ABHD10: variants seen among roughly 807,000 people sequenced by gnomAD.
ABHD10 encodes the protein abhydrolase domain containing 10, depalmitoylase.
In ABHD10, 22 loss-of-function variants were observed where a neutral mutation model predicts 33.1. That is an observed-to-expected ratio of 0.66 (90% confidence interval 0.47 to 0.95). The LOEUF is 0.95. Ranked by LOEUF, ABHD10 falls within the 40% of genes least tolerant of loss-of-function variation. The probability of loss-of-function intolerance (pLI) is 0.00; values close to 1 mark genes in which losing one functional copy is unlikely to be tolerated. For missense variants in ABHD10, 352 were observed against 379.9 expected, an observed-to-expected ratio of 0.93 and a Z score of 0.61; for synonymous variants, 146 against 133.9, an observed-to-expected ratio of 1.09 and a Z score of -0.62.
intron 4 of ABHD10, chr3:111,990,783 C>A: frequency 8.7e-7 from 1 of 1,155,774 alleles, no homozygotes; most frequent in Non-Finnish European, 1.1e-6. Flanking sequence ...TGTAATTACT[C>A]TTATTTTTTT....
chr3:111,985,957 CTACTA>C (rs2072651952), intron 2 of ABHD10, among the ~76,000 whole-genome samples: 1 of 152,098 alleles, frequency 6.6e-6, no homozygotes, highest in Non-Finnish European at 1.5e-5. Context: ...AAGGATCACT[CTACTA>C]TATAGGGAAA....
rs1407016918 is a variant in ABHD10, at chr3:111,981,771, G to T, written c.143-13G>T. 6.6e-7 allele frequency: 1 copy of T among 1,517,024 alleles called. No individual in the cohort carries two copies. The highest frequency in any genetic ancestry group is 1.3e-5 in the South Asian group (1 of 75,032). The allele number at this position is 1,517,024 out of a possible 1,614,324, so 94.0% of individuals were successfully genotyped here. A position where few individuals can be genotyped will look rare whatever the true frequency, so the allele number is the denominator to read the frequency against. On this transcript the variant is annotated splice_polypyrimidine_tract_variant and intron_variant, in intron 1 of 4. Transcript: ENST00000273359. ...TTACAAACCATAGTTTACTTTTTGT[G>T]TACTTTGTTTAGCTTGTAGACAAAA...
At position 111,981,959 on chromosome 3, in the gene ABHD10, C is replaced by G. The variant is rs2072591035; in HGVS notation, c.318C>G (p.Ala106=). 1 of 1,550,958 alleles carries G rather than the reference C, an allele frequency of 6.4e-7. No homozygotes were observed. Among genetic ancestry groups the G allele is most frequent in the African/African-American group, 1.3e-5 (1 of 74,102 alleles). ...IEEFCKSLGH[A]CIRFDYSGVG... ...AGTTTTGCAAATCTCTAGGTCACGC[C>G]TGCATAAGGTAGGAACAACACATTA... Residue 106 remains alanine, a synonymous_variant, in exon 2 of 5, where the codon GCC becomes GCG. Transcript: ENST00000273359.
intron 4 of ABHD10, among the ~76,000 whole-genome samples, chr3:111,990,170 A>G (rs1477471143): frequency 1.3e-5 from 2 of 152,032 alleles, no homozygotes; most frequent in Non-Finnish European, 1.5e-5. Context: ...ATATAAATAA[A>G]CTTTTATGCT....
chr3:111,983,146 T>G (rs1357942029), intron 2 of ABHD10, among the ~76,000 whole-genome samples: 1 of 152,148 alleles, frequency 6.6e-6, no homozygotes, highest in East Asian at 1.9e-4. Flanking sequence ...CTCATCAGAA[T>G]GTGATTGTGT....
At position 111,981,822 on chromosome 3, in the gene ABHD10, C is replaced by G; in HGVS notation, c.181C>G (p.Pro61Ala). 1 of 1,596,048 alleles carries G rather than the reference C, an allele frequency of 6.3e-7. No individual in the cohort carries two copies. The highest frequency in any genetic ancestry group is 8.6e-7 in the Non-Finnish European group (1 of 1,167,346). ...GACGTCACTCTCATTCCTTAATCGA[C>G]CAGACCTTCCAAACCTGGCTTATAA... ...QKTSLSFLNRPDLPNLAYKKL... is the reference protein window; with the variant it reads ...QKTSLSFLNRADLPNLAYKKL... Residue 61 changes from proline to alanine, a missense_variant, in exon 2 of 5, where the codon CCA becomes GCA. Transcript: ENST00000273359.
Position 111,986,679 on chromosome 3 carries a change from C to T in ABHD10, c.439-235C>T, listed in dbSNP as rs1355983518. ...CTCGATCTCCTGACCTCGTGATCCGCCCGCCTGGGCCTCCCAAAGTGCTGG... is the reference window on the plus strand; with the variant it reads ...CTCGATCTCCTGACCTCGTGATCCGTCCGCCTGGGCCTCCCAAAGTGCTGG... On this transcript the variant is annotated intron_variant, in intron 3 of 4. Coordinates refer to ENST00000273359, the MANE Select transcript of ABHD10 (RefSeq NM_018394.4). 2.6e-5 allele frequency among the ~76,000 whole-genome samples: 4 copies of T among 152,234 alleles called. No homozygotes were observed. The East Asian group carries it at 7.7e-4, about 29-fold the overall frequency.
intron 2 of ABHD10, among the ~76,000 whole-genome samples, chr3:111,985,239 G>A (rs1234786275): frequency 2.0e-5 from 3 of 152,160 alleles, no homozygotes; most frequent in African/African-American, 7.2e-5. Context: ...AGTATGACTA[G>A]AGTTTAGGTA....
Position 111,991,419 on chromosome 3 carries a change from T to C in ABHD10, c.619T>C (p.Ser207Pro). 6.2e-7 allele frequency: 1 copy of C among 1,613,332 alleles called. No homozygotes were observed. The highest frequency in any genetic ancestry group is 8.5e-7 in the Non-Finnish European group (1 of 1,179,772). Residue 207 changes from serine to proline, a missense_variant, in exon 5 of 5, where the codon TCA becomes CCA. Ser to Pro is a moderately conservative substitution (Grantham distance 74). Coordinates refer to ENST00000273359, the MANE Select transcript of ABHD10 (RefSeq NM_018394.4). Reference protein sequence around the residue: ...VEMKGVWSMPSKYSEEGVYNV... With the variant: ...VEMKGVWSMPPKYSEEGVYNV... The stretch of plus-strand genomic sequence containing the variant: ...GATGAAAGGTGTGTGGAGCATGCCA[T>C]CAAAATACTCTGAAGAAGGAGTTTA...
intron 4 of ABHD10, among the ~76,000 whole-genome samples, chr3:111,987,552 A>AG (rs1293563907): frequency 6.6e-6 from 1 of 152,156 alleles, no homozygotes; most frequent in Non-Finnish European, 1.5e-5. Context: ...CAAGTCTCTG[A>AG]GAAAAAAAAT....
At chr3:111,990,653 A>T (rs2072728213) in intron 4 of ABHD10, 1 of 863,696 alleles carries the variant, frequency 1.2e-6, no homozygotes, top group African/African-American at 1.8e-5. Context: ...TATGTGGAAG[A>T]CTTCTTTGTC....
At chr3:111,991,327 A>G in intron 4 of ABHD10, 50 bp from the exon 5 acceptor site, 1 of 1,508,400 alleles carries the variant, frequency 6.6e-7, no homozygotes. Flanking sequence ...GCATGTGTTA[A>G]TGTTGCCTAA....
chr3:111,981,559 T>C (rs1480903813), intron 1 of ABHD10, among the ~76,000 whole-genome samples: 1 of 152,174 alleles, frequency 6.6e-6, no homozygotes, highest in Non-Finnish European at 1.5e-5. Flanking sequence ...AGAATCAAGA[T>C]TGGACTTTGC....
intron 4 of ABHD10, among the ~76,000 whole-genome samples, chr3:111,989,150 G>A (rs1211198416): frequency 6.6e-6 from 1 of 152,178 alleles, no homozygotes; most frequent in East Asian, 1.9e-4. Flanking sequence ...AGCAGATGTG[G>A]AGATTTTTAC....
intron 1 of ABHD10, among the ~76,000 whole-genome samples, chr3:111,979,608 A>G (rs2072554081): frequency 6.6e-6 from 1 of 152,374 alleles, no homozygotes; most frequent in African/African-American, 2.4e-5. Context: ...GAACCTAACA[A>G]TGCGAGGCAT....
rs141531294 is a variant in ABHD10, at chr3:111,979,178, T to C, written c.117T>C (p.Pro39=). ...RGLSVLLARI[P]QRAPRWLPAC... is the part of the protein sequence containing the mutation. ...TCAGCGTGCTGCTTGCACGGATACCTCAGCGGGCGCCACGGTGGCTCCCAG... is the reference window on the plus strand; with the variant it reads ...TCAGCGTGCTGCTTGCACGGATACCCCAGCGGGCGCCACGGTGGCTCCCAG... The change falls in exon 1 of 5, where the codon CCT becomes CCC. Residue 39 remains proline, a synonymous_variant. Transcript: ENST00000273359. 3.3e-5 allele frequency: 53 copies of C among 1,607,714 alleles called. No individual in the cohort carries two copies. In the African/African-American group the frequency reaches 5.5e-4, roughly 17 times the overall value.
intron 1 of ABHD10, among the ~76,000 whole-genome samples, chr3:111,980,654 G>A (rs2072572098): frequency 6.6e-6 from 1 of 152,068 alleles, no homozygotes; most frequent in Non-Finnish European, 1.5e-5. Flanking sequence ...GATGAAGTAG[G>A]ATAATCTTAT....
At chr3:111,987,483 TGGTATCTGAA>T (rs1410364212) in intron 4 of ABHD10, among the ~76,000 whole-genome samples, 1 of 152,178 alleles carries the variant, frequency 6.6e-6, no homozygotes, top group Non-Finnish European at 1.5e-5. Flanking sequence ...AGTCATCCCT[TGGTATCTGAA>T]GGGGATTGCT....
chr3:111,984,308 C>A (rs767974252), intron 2 of ABHD10, among the ~76,000 whole-genome samples: 1 of 152,160 alleles, frequency 6.6e-6, no homozygotes, highest in South Asian at 2.1e-4. Flanking sequence ...TTTCTTCTCT[C>A]CCCTATTTCT....
Sources: allele counts gnomAD v4.1 joint callset (sites outside exome capture counted in the v4.1 genomes callset), GRCh38; gene constraint gnomAD v4.1.1; transcripts MANE v1.5; gene names NCBI Gene and HGNC (gene_info 2026-07-23, HGNC 2026-07-21).